PCBP3: variants seen among roughly 807,000 people sequenced by gnomAD.
PCBP3 encodes the protein poly(rC) binding protein 3, also known as poly(rC)-binding protein 3.
PCBP3 carries 25 observed loss-of-function variants against 52.7 expected under a neutral mutation model. That is an observed-to-expected ratio of 0.47 (90% CI 0.35 to 0.66). The LOEUF is 0.66. Ranked by LOEUF, PCBP3 falls within the 30% of genes least tolerant of loss-of-function variation. PCBP3 has a pLI of 0.01. For synonymous variants in PCBP3, 162 were observed against 183.0 expected, an observed-to-expected ratio of 0.89 and a Z score of 0.93; for missense variants, 391 against 490.3, an observed-to-expected ratio of 0.80 and a Z score of 1.91.
chr21:45,651,008 A>G (rs981548791), intron 1 of PCBP3, among the ~76,000 whole-genome samples: 7 of 152,172 alleles, frequency 4.6e-5, no homozygotes, highest in African/African-American at 1.7e-4. Flanking sequence ...ATCTTGAGTG[A>G]GCGTGGGAAC....
chr21:45,932,345 C>T (rs1427044092), intron 15 of PCBP3, among the ~76,000 whole-genome samples: 3 of 151,870 alleles, frequency 2.0e-5, no homozygotes, highest in Admixed American at 6.5e-5. Flanking sequence ...GCCATGCTGT[C>T]CTGAGATGAG....
chr21:45,746,169 G>A lies in PCBP3; in HGVS notation c.-161-9248G>A, dbSNP rs1469519956. On this transcript the variant is annotated intron_variant, in intron 3 of 17. Coordinates refer to ENST00000681687, the MANE Select transcript of PCBP3 (RefSeq NM_001384156.1). Reference sequence around the variant, plus strand: ...ATCGCTGTCAGTCCATTGACGTAGCGCCACACGGTGTTGTCAGCATCACCG... The same window carrying A: ...ATCGCTGTCAGTCCATTGACGTAGCACCACACGGTGTTGTCAGCATCACCG... Among the ~76,000 whole-genome samples, 6 of 136,934 alleles carry A rather than the reference G, an allele frequency of 4.4e-5. 1 individual carries two copies. Among genetic ancestry groups the A allele is most frequent in the African/African-American group, 8.9e-5 (3 of 33,634 alleles). 89.8% of individuals were successfully genotyped at this position (136,934 alleles called of 152,430 possible).
intron 2 of PCBP3, among the ~76,000 whole-genome samples, chr21:45,675,856 C>T (rs1320703584): frequency 5.3e-5 from 8 of 152,240 alleles, no homozygotes; most frequent in African/African-American, 1.9e-4. Flanking sequence ...CCAAACTCTA[C>T]TGACAGTCAT....
chr21:45,675,453 C>T (rs780874204), intron 2 of PCBP3, among the ~76,000 whole-genome samples: 10 of 152,146 alleles, frequency 6.6e-5, no homozygotes, highest in Non-Finnish European at 1.3e-4. Context: ...ACTATGAAGC[C>T]GGAAGGGAGC....
intron 4 of PCBP3, among the ~76,000 whole-genome samples, chr21:45,845,608 T>C (rs1283391160): frequency 1.3e-5 from 2 of 151,378 alleles, no homozygotes; most frequent in African/African-American, 4.9e-5. Flanking sequence ...GCCGTGTGTA[T>C]GCATGTGTGT....
chr21:45,892,273 TC>T (rs1338456000), intron 5 of PCBP3, among the ~76,000 whole-genome samples: 1 of 152,196 alleles, frequency 6.6e-6, no homozygotes, highest in Non-Finnish European at 1.5e-5. Flanking sequence ...TGTCTTCTGG[TC>T]CTTGCTTATC....
At chr21:45,705,132 C>T (rs2297293) in intron 2 of PCBP3, among the ~76,000 whole-genome samples, 2 of 152,112 alleles carry the variant, frequency 1.3e-5, no homozygotes, top group African/African-American at 2.4e-5. Flanking sequence ...TGTGCAGCAT[C>T]GTGTGGATGC....
intron 16 of PCBP3, 21 bp downstream of exon 16, chr21:45,935,326 T>A: frequency 6.3e-7 from 1 of 1,587,644 alleles, no homozygotes; most frequent in East Asian, 2.3e-5. Flanking sequence ...CCGCTGTACC[T>A]GCCTGTCCCT....
intron 4 of PCBP3, among the ~76,000 whole-genome samples, chr21:45,771,827 G>T (rs1176156903): frequency 6.6e-6 from 1 of 152,154 alleles, no homozygotes; most frequent in African/African-American, 2.4e-5. Flanking sequence ...CTCTCAGTCA[G>T]CATGTTTGAC....
chr21:45,688,090 T>C (rs546036475), intron 2 of PCBP3, among the ~76,000 whole-genome samples: 1 of 152,322 alleles, frequency 6.6e-6, no homozygotes, highest in South Asian at 2.1e-4. Context: ...TCCTACTGTG[T>C]ATGTACCCAA....
At chr21:45,889,274 C>T (rs1013438778) in intron 5 of PCBP3, among the ~76,000 whole-genome samples, 3 of 152,188 alleles carry the variant, frequency 2.0e-5, no homozygotes, top group East Asian at 1.9e-4. Flanking sequence ...CAGCTGCATG[C>T]GGGCCAGCAG....
At chr21:45,807,174 G>T (rs930800740) in intron 4 of PCBP3, among the ~76,000 whole-genome samples, 1 of 152,156 alleles carries the variant, frequency 6.6e-6, no homozygotes, top group Non-Finnish European at 1.5e-5. Context: ...CATAGTATTG[G>T]AAGTTCTAGC....
intron 12 of PCBP3, chr21:45,914,227 G>A (rs2075907): frequency 0.024 from 18,590 of 764,594 alleles, 951 homozygotes; most frequent in East Asian, 0.15. Context: ...CCACAGAGAC[G>A]GCCCCACGGA....
chr21:45,816,576 C>T (rs2092970271), intron 4 of PCBP3, among the ~76,000 whole-genome samples: 1 of 143,742 alleles, frequency 7.0e-6, no homozygotes, highest in South Asian at 2.4e-4. Context: ...TAGCCTAGGC[C>T]TGCACAGGGT....
chr21:45,930,673 C>T (rs407651), intron 14 of PCBP3, 113 bp from the exon 15 acceptor site: 132,116 of 596,906 alleles, frequency 0.22, 17,291 homozygotes, highest in Non-Finnish European at 0.28. Context: ...TGGCTGTGGC[C>T]AGAGAGAGCG....
chr21:45,691,318 A>C (rs1427331943), intron 2 of PCBP3, among the ~76,000 whole-genome samples: 3 of 150,100 alleles, frequency 2.0e-5, no homozygotes, highest in African/African-American at 7.3e-5. Flanking sequence ...AGAGTGGGGA[A>C]TATTGAATGA....
At chr21:45,652,630 A>T (rs965671791) in intron 1 of PCBP3, among the ~76,000 whole-genome samples, 1 of 151,924 alleles carries the variant, frequency 6.6e-6, no homozygotes, top group Non-Finnish European at 1.5e-5. Context: ...TTTAGTAGAG[A>T]CGGGGTTTCA....
At chr21:45,933,173 C>T (rs917049170) in intron 15 of PCBP3, among the ~76,000 whole-genome samples, 2 of 152,188 alleles carry the variant, frequency 1.3e-5, no homozygotes, top group African/African-American at 4.8e-5. Context: ...CTGGGCCATG[C>T]TGTCTTGAGA....
At chr21:45,934,347 T>C (rs1340859300) in intron 15 of PCBP3, among the ~76,000 whole-genome samples, 2 of 152,064 alleles carry the variant, frequency 1.3e-5, no homozygotes, top group Admixed American at 6.5e-5. Context: ...GAGCAGCCTC[T>C]GGCCCCTCCT....
Sources: gnomAD v4.1 joint callset for allele counts (sites outside exome capture counted in the v4.1 genomes callset) on GRCh38, gnomAD v4.1.1 for gene constraint, MANE v1.5 for transcripts, NCBI Gene and HGNC (gene_info 2026-07-23, HGNC 2026-07-21) for gene names.